The following FBXL20 variants were observed in gnomAD, a reference collection of about 807,000 sequenced individuals.
The protein encoded by FBXL20 is F-box and leucine rich repeat protein 20.
A neutral mutation model predicts 64.0 loss-of-function variants in FBXL20; 11 were observed. That is an observed-to-expected ratio of 0.17 (90% CI 0.11 to 0.28). The LOEUF is 0.28. Among genes scored for constraint, FBXL20 ranks in the 10% least tolerant of loss-of-function variants. FBXL20 has a pLI of 1.00. For missense variants in FBXL20, 303 were observed against 526.2 expected (o/e 0.58, Z 4.15); for synonymous variants, 184 against 189.0 (o/e 0.97, Z 0.22).
chr17:39,337,836 G>A (rs572858474), intron 2 of FBXL20, among the ~76,000 whole-genome samples: 65 of 147,180 alleles, frequency 4.4e-4, no homozygotes, highest in Middle Eastern at 7.2e-3. Flanking sequence ...GTCAGCCCCC[G>A]CCAGGCCAGC....
At chr17:39,348,701 T>C (rs1158589280) in intron 1 of FBXL20, among the ~76,000 whole-genome samples, 1 of 152,178 alleles carries the variant, frequency 6.6e-6, no homozygotes, top group Non-Finnish European at 1.5e-5. Flanking sequence ...GTAATGTGTT[T>C]ACATGTTCTT....
chr17:39,356,866 G>A (rs998527659), intron 1 of FBXL20, among the ~76,000 whole-genome samples: 7 of 150,776 alleles, frequency 4.6e-5, no homozygotes, highest in African/African-American at 1.7e-4. Flanking sequence ...GTCTCACTAT[G>A]TTGCCCAGGC....
In FBXL20 at chr17:39,324,510, G is replaced by A. The variant is rs189967631; in HGVS notation, c.104+18670C>T. On this transcript the variant is annotated intron_variant, in intron 2 of 14. Transcript: ENST00000264658. Reference sequence around the variant, plus strand: ...TCACCATGTTGGCCAGGCTGGTCTCGAACTCCTGACCTTACGTGATCTGCC... The same window carrying A: ...TCACCATGTTGGCCAGGCTGGTCTCAAACTCCTGACCTTACGTGATCTGCC... Among the ~76,000 whole-genome samples the A allele has an allele frequency of 2.6e-5, 4 of 151,952 alleles. No individual in the cohort carries two copies. In the East Asian group the frequency reaches 5.8e-4, roughly 22 times the overall value.
chr17:39,332,536 CTT>C (rs58827473), intron 2 of FBXL20, among the ~76,000 whole-genome samples: 2,944 of 96,886 alleles, frequency 0.03, 82 homozygotes, highest in African/African-American at 0.081. Context: ...TTCTTTGTAT[CTT>C]TTTTTTTTTT....
chr17:39,291,405 A>G (rs2047037636), intron 6 of FBXL20, among the ~76,000 whole-genome samples: 1 of 145,488 alleles, frequency 6.9e-6, no homozygotes, highest in Non-Finnish European at 1.5e-5. Context: ...CTCTAAGCAG[A>G]TTAGATTCTT....
intron 2 of FBXL20, among the ~76,000 whole-genome samples, chr17:39,319,870 C>A (rs1035075347): frequency 1.3e-5 from 2 of 151,982 alleles, no homozygotes; most frequent in Non-Finnish European, 2.9e-5. Context: ...CGCCAACTTC[C>A]CAAAGTGCTG....
At chr17:39,372,058 A>C (rs763276730) in intron 1 of FBXL20, among the ~76,000 whole-genome samples, 6 of 152,272 alleles carry the variant, frequency 3.9e-5, no homozygotes, top group Non-Finnish European at 8.8e-5. Flanking sequence ...CTCCTGAAGC[A>C]CTTGGGTTTG....
At chr17:39,307,553 T>C (rs1242133776) in intron 2 of FBXL20, among the ~76,000 whole-genome samples, 1 of 152,176 alleles carries the variant, frequency 6.6e-6, no homozygotes, top group Non-Finnish European at 1.5e-5. Context: ...TCATTCTAAG[T>C]GTGTAAATTT....
In FBXL20 at chr17:39,315,870, A is replaced by C. The variant is rs140776809; in HGVS notation, c.105-12231T>G. ...GAGAGAGAGAGAGAGAGAGAGAGAG[A>C]GCAACTGTAGAGCGAAATTGGTTAA... On this transcript the variant is annotated intron_variant, in intron 2 of 14. Transcript: ENST00000264658. Among the ~76,000 whole-genome samples, 918 of 139,376 alleles carry C rather than the reference A, an allele frequency of 6.6e-3. 3 individuals carry two copies. Among genetic ancestry groups the C allele is most frequent in the Middle Eastern group, 0.03 (8 of 264 alleles). The allele number at this position is 139,376 out of a possible 152,430, so 91.4% of individuals were successfully genotyped here.
At chr17:39,288,816 C>T (rs2047011703) in intron 6 of FBXL20, among the ~76,000 whole-genome samples, 1 of 152,106 alleles carries the variant, frequency 6.6e-6, no homozygotes, top group South Asian at 2.1e-4. Context: ...TCAAGCGATT[C>T]TCCTGCCTCA....
At chr17:39,377,508 T>TG (rs1239293492) in intron 1 of FBXL20, among the ~76,000 whole-genome samples, 12 of 150,188 alleles carry the variant, frequency 8.0e-5, no homozygotes, top group African/African-American at 1.9e-4. Context: ...TTGTTGTTGT[T>TG]TTTTTTTTTT....
intron 2 of FBXL20, among the ~76,000 whole-genome samples, chr17:39,313,831 C>G (rs1016782688): frequency 6.6e-6 from 1 of 152,018 alleles, no homozygotes; most frequent in African/African-American, 2.4e-5. Flanking sequence ...GATGCGGTTT[C>G]TCCATGTTGG....
At chr17:39,298,883 T>C (rs1233027415) in intron 5 of FBXL20, 107 bp downstream of exon 5, 7 of 811,758 alleles carry the variant, frequency 8.6e-6, no homozygotes, top group South Asian at 3.1e-5. Context: ...CAATGTGTGG[T>C]TGCATTTTTA....
chr17:39,285,525 G>A lies in FBXL20; in HGVS notation c.447C>T (p.Asp149=). ...TTGTTATTGATGTACAGGAAGCCAA[G>A]TCAAGGTGCCTGAGTTTGGAACAGA... The part of the protein sequence containing the change: ...SKFCSKLRHL[D]LASCTSITNM... Residue 149 remains aspartate, a synonymous_variant, in exon 7 of 15, where the codon GAC becomes GAT. Transcript: ENST00000264658. 1 of 1,605,850 alleles carries A rather than the reference G, an allele frequency of 6.2e-7. No homozygotes were observed. Among genetic ancestry groups the A allele is most frequent in the Non-Finnish European group, 8.5e-7 (1 of 1,175,786 alleles).
At chr17:39,282,615 A>G (rs1597773294) in intron 8 of FBXL20, 114 bp downstream of exon 8, 5 of 1,393,022 alleles carry the variant, frequency 3.6e-6, no homozygotes, top group African/African-American at 2.9e-5. Context: ...TCTTTTGTCA[A>G]TAATACACAC....
intron 1 of FBXL20, among the ~76,000 whole-genome samples, chr17:39,378,279 C>T (rs999277683): frequency 2.0e-5 from 3 of 152,060 alleles, no homozygotes; most frequent in African/African-American, 7.2e-5. Context: ...ACGAAGAACT[C>T]TTATAACCCA....
intron 6 of FBXL20, among the ~76,000 whole-genome samples, chr17:39,296,001 C>A (rs373032738): frequency 4.7e-4 from 72 of 151,956 alleles, no homozygotes; most frequent in African/African-American, 1.7e-3. Context: ...ATGTAGTAGC[C>A]TTGCATATAC....
intron 12 of FBXL20, among the ~76,000 whole-genome samples, chr17:39,266,448 G>A (rs1035802936): frequency 2.6e-5 from 4 of 152,072 alleles, no homozygotes; most frequent in Admixed American, 2.6e-4. Flanking sequence ...TCAAACTCCC[G>A]ACCTCAGGTG....
chr17:39,331,393 G>A (rs1567883132), intron 2 of FBXL20, among the ~76,000 whole-genome samples: 1 of 152,126 alleles, frequency 6.6e-6, no homozygotes, highest in Non-Finnish European at 1.5e-5. Context: ...GAGGTATCAT[G>A]CTCAGCCTAA....
Sources: gnomAD v4.1 joint callset for allele counts (sites outside exome capture counted in the v4.1 genomes callset) on GRCh38, gnomAD v4.1.1 for gene constraint, MANE v1.5 for transcripts, NCBI Gene and HGNC (gene_info 2026-07-23, HGNC 2026-07-21) for gene names.